The following SLC14A2 variants were observed in gnomAD, a reference collection of about 807,000 sequenced individuals.
The protein encoded by SLC14A2 is urea transporter 2.
In SLC14A2, 91 loss-of-function variants were observed where a neutral mutation model predicts 104.6. That is an observed-to-expected ratio of 0.87 (90% CI 0.73 to 1.04). SLC14A2 has a LOEUF of 1.04. SLC14A2 is among the 50% of genes least tolerant of loss of function. The pLI is 0.00. For synonymous variants in SLC14A2, 476 were observed against 466.4 expected (o/e 1.02, Z -0.27); for missense variants, 1,189 against 1,156.0 (o/e 1.03, Z -0.41).
intron 10 of SLC14A2, among the ~76,000 whole-genome samples, chr18:45,659,317 G>C (rs765361996): frequency 5.9e-5 from 9 of 152,170 alleles, no homozygotes; most frequent in Non-Finnish European, 1.2e-4. Flanking sequence ...AGGTGAGGGG[G>C]TGGCAAAAAG....
chr18:45,197,730 C>T, the SLC14A2 span, among the ~76,000 whole-genome samples: 1 of 152,172 alleles, frequency 6.6e-6, no homozygotes, highest in Non-Finnish European at 1.5e-5. Context: ...CTGAACAATG[C>T]GTCTCATTCA....
intron 1 of SLC14A2, among the ~76,000 whole-genome samples, chr18:45,272,837 T>G (rs1301977357): frequency 1.3e-5 from 2 of 152,100 alleles, no homozygotes; most frequent in Non-Finnish European, 2.9e-5. Context: ...TATTTCACAT[T>G]GCATGCCTGT....
upstream of SLC14A2, among the ~76,000 whole-genome samples, chr18:45,209,487 A>G (rs756913293): frequency 1.3e-4 from 19 of 150,330 alleles, no homozygotes; most frequent in Non-Finnish European, 2.4e-4. Context: ...TTCTGAAAGG[A>G]TGATAGAGAA....
intron 1 of SLC14A2, among the ~76,000 whole-genome samples, chr18:45,333,400 C>G (rs1056556827): frequency 7.2e-5 from 11 of 152,086 alleles, no homozygotes; most frequent in African/African-American, 2.7e-4. Context: ...AGTCATAATA[C>G]AGGTAGGAGC....
chr18:45,251,312 A>G (rs116950238), intron 1 of SLC14A2, among the ~76,000 whole-genome samples: 17,158 of 152,220 alleles, frequency 0.11, 1,147 homozygotes, highest in Non-Finnish European at 0.16. Flanking sequence ...TTCACTTAGA[A>G]TAATAGTCTT....
chr18:45,657,435 CG>C (rs1302912772), intron 10 of SLC14A2, among the ~76,000 whole-genome samples: 1 of 145,758 alleles, frequency 6.9e-6, no homozygotes, highest in Non-Finnish European at 1.5e-5. Context: ...TGCAGTGAGC[CG>C]AGATCACGCC....
chr18:45,397,804 C>T lies in SLC14A2; in HGVS notation c.-124-85429C>T, dbSNP rs572701479. On this transcript the variant is annotated intron_variant, in intron 1 of 20. Coordinates refer to the SLC14A2 transcript ENST00000586448. ...AATGAATCTCTCTAAGTCATAGTTT[C>T]CACATTAGAGATAACAATAGTACCT... 1.8e-4 allele frequency among the ~76,000 whole-genome samples: 27 copies of T among 152,080 alleles called. No homozygotes were observed. The South Asian group carries it at 5.0e-3, about 28-fold the overall frequency.
intron 1 of SLC14A2, among the ~76,000 whole-genome samples, chr18:45,455,380 C>G (rs1309726965): frequency 6.6e-6 from 1 of 152,002 alleles, no homozygotes; most frequent in Non-Finnish European, 1.5e-5. Flanking sequence ...TCATTCTCAG[C>G]AAACAACACA....
At position 45,238,237 on chromosome 18, in the gene SLC14A2, T is replaced by A. The variant is rs572018081; in HGVS notation, c.-125+25046T>A. Among the ~76,000 whole-genome samples the A allele has an allele frequency of 2.0e-5, 3 of 152,342 alleles. No individual in the cohort carries two copies. The South Asian group carries it at 6.2e-4, about 32-fold the overall frequency. On this transcript the variant is annotated intron_variant, in intron 1 of 20. Coordinates refer to the SLC14A2 transcript ENST00000586448. ...ATGTCCATTCATTCTTATAACAGGC[T>A]TTTATTGAGCACTTGCCATGTGCAC...
chr18:45,589,482 T>A (rs1273446290), intron 2 of SLC14A2, among the ~76,000 whole-genome samples: 1 of 152,196 alleles, frequency 6.6e-6, no homozygotes, highest in Admixed American at 6.5e-5. Flanking sequence ...GTTTAGTGTT[T>A]CCATATGGAA....
At chr18:45,379,349 A>G (rs965626155) in intron 1 of SLC14A2, among the ~76,000 whole-genome samples, 2 of 152,196 alleles carry the variant, frequency 1.3e-5, no homozygotes, top group Non-Finnish European at 2.9e-5. Flanking sequence ...TCTGCCTCCA[A>G]TGTAACATAG....
At chr18:45,651,904 A>C (rs185063677) in intron 10 of SLC14A2, among the ~76,000 whole-genome samples, 57 of 152,340 alleles carry the variant, frequency 3.7e-4, no homozygotes, top group Admixed American at 3.1e-3. Context: ...CTGGGGACCA[A>C]CATTATTCAA....
chr18:45,220,443 T>C (rs902973875), intron 1 of SLC14A2, among the ~76,000 whole-genome samples: 5 of 152,220 alleles, frequency 3.3e-5, no homozygotes, highest in Non-Finnish European at 5.9e-5. Flanking sequence ...AAAAGGTGTT[T>C]AGCAAACAAA....
At chr18:45,580,713 G>A (rs1390857003) in intron 2 of SLC14A2, among the ~76,000 whole-genome samples, 2 of 152,126 alleles carry the variant, frequency 1.3e-5, no homozygotes, top group East Asian at 3.8e-4. Context: ...TGAAAAAATG[G>A]AGGCACAGGG....
chr18:45,429,484 G>A (rs1158845864), intron 1 of SLC14A2, among the ~76,000 whole-genome samples: 1 of 152,188 alleles, frequency 6.6e-6, no homozygotes, highest in African/African-American at 2.4e-5. Context: ...GGATTCTACA[G>A]TGAGCACAGG....
At chr18:45,549,601 T>G (rs1335580454) in intron 2 of SLC14A2, among the ~76,000 whole-genome samples, 1 of 152,220 alleles carries the variant, frequency 6.6e-6, no homozygotes, top group Non-Finnish European at 1.5e-5. Flanking sequence ...AAAGAGCAAA[T>G]GCCGCCTTAT....
intron 1 of SLC14A2, among the ~76,000 whole-genome samples, chr18:45,405,074 G>A (rs1402447194): frequency 6.6e-6 from 1 of 152,218 alleles, no homozygotes; most frequent in East Asian, 1.9e-4. Flanking sequence ...ACTAGTTGTG[G>A]CATTTTGCAA....
intron 2 of SLC14A2, among the ~76,000 whole-genome samples, chr18:45,607,197 T>C (rs1384574801): frequency 6.6e-6 from 1 of 152,224 alleles, no homozygotes; most frequent in Non-Finnish European, 1.5e-5. Context: ...TATGTAATTC[T>C]TCAATTAGTG....
intron 1 of SLC14A2, among the ~76,000 whole-genome samples, chr18:45,369,094 C>A (rs548984233): frequency 7.9e-5 from 12 of 152,288 alleles, no homozygotes; most frequent in Non-Finnish European, 1.6e-4. Context: ...GCATGGGTCT[C>A]AGTCAACATG....
Sources: allele counts gnomAD v4.1 joint callset (sites outside exome capture counted in the v4.1 genomes callset), GRCh38; gene constraint gnomAD v4.1.1; transcripts MANE v1.5; gene names NCBI Gene and HGNC (gene_info 2026-07-23, HGNC 2026-07-21).